CTNNA2: variants seen among roughly 807,000 people sequenced by gnomAD.
CTNNA2 encodes the protein catenin alpha 2, also known as catenin alpha-2.
CTNNA2 carries 42 observed loss-of-function variants against 101.0 expected under a neutral mutation model. That is an observed-to-expected ratio of 0.42 (90% CI 0.32 to 0.54). The LOEUF is 0.54. Ranked by LOEUF, CTNNA2 falls within the 20% of genes least tolerant of loss-of-function variation. CTNNA2 has a pLI of 0.14. For synonymous variants in CTNNA2, 450 were observed against 456.4 expected (o/e 0.99, Z 0.18); for missense variants, 871 against 1,223.1 (o/e 0.71, Z 4.29).
chr2:80,193,151 G>C (rs1243362587), intron 7 of CTNNA2, among the ~76,000 whole-genome samples: 1 of 152,058 alleles, frequency 6.6e-6, no homozygotes, highest in Admixed American at 6.6e-5. Context: ...ATAAACCTTA[G>C]TGTTTTTAGT....
Position 80,469,643 on chromosome 2 carries a change from CAG to C in CTNNA2, c.1290+50043_1290+50044del, listed in dbSNP as rs1413178942. Among the ~76,000 whole-genome samples the C allele has an allele frequency of 4.6e-5, 7 of 152,268 alleles. 1 individual carries two copies. The highest frequency in any genetic ancestry group is 4.6e-4 in the Admixed American group (7 of 15,294). On this transcript the variant is annotated intron_variant, in intron 9 of 18. Coordinates refer to ENST00000402739, the MANE Select transcript of CTNNA2 (RefSeq NM_001282597.3). ...TGCCCCTGAGATTGGCTAATAAGGT[CAG>C]GGGTTGGATTTCATTGCAGAGTTTA... is the stretch of plus-strand genomic sequence containing the variant.
intron 2 of CTNNA2, among the ~76,000 whole-genome samples, chr2:79,272,573 GACAGAC>G (rs1469895772): frequency 6.6e-6 from 1 of 152,014 alleles, no homozygotes; most frequent in East Asian, 1.9e-4. Context: ...AAATGACCAA[GACAGAC>G]ACAGCCTTTA....
chr2:80,224,508 G>C (rs1708760453), intron 7 of CTNNA2, among the ~76,000 whole-genome samples: 1 of 150,186 alleles, frequency 6.7e-6, no homozygotes, highest in Non-Finnish European at 1.5e-5. Flanking sequence ...ACAGTGGTGT[G>C]ATCTCGGCTC....
At chr2:79,357,353 T>C (rs895947479) in intron 3 of CTNNA2, among the ~76,000 whole-genome samples, 2 of 151,946 alleles carry the variant, frequency 1.3e-5, no homozygotes, top group Non-Finnish European at 2.9e-5. Context: ...ACTCAAGAGA[T>C]TCATATCAAA....
At chr2:80,113,847 G>A (rs1332344191) in intron 7 of CTNNA2, among the ~76,000 whole-genome samples, 1 of 152,136 alleles carries the variant, frequency 6.6e-6, no homozygotes, top group African/African-American at 2.4e-5. Flanking sequence ...ATGGGATTCT[G>A]GAATATTAAT....
At chr2:79,462,421 G>T (rs1048690665) in intron 4 of CTNNA2, among the ~76,000 whole-genome samples, 3 of 152,196 alleles carry the variant, frequency 2.0e-5, no homozygotes, top group Non-Finnish European at 4.4e-5. Context: ...AGCTGATATG[G>T]TTTGGTCCAC....
chr2:80,144,865 G>C (rs7597086), intron 7 of CTNNA2, among the ~76,000 whole-genome samples: 76,644 of 151,990 alleles, frequency 0.5, 20,003 homozygotes, highest in Non-Finnish European at 0.57. Flanking sequence ...GACGTTTGGG[G>C]CTGAGTAATT....
chr2:79,208,950 G>T (rs1184145225), intron 2 of CTNNA2, among the ~76,000 whole-genome samples: 1 of 152,144 alleles, frequency 6.6e-6, no homozygotes, highest in Non-Finnish European at 1.5e-5. Flanking sequence ...ATTTGGTAAT[G>T]ATACTCATGT....
chr2:79,891,613 T>G (rs1684312398), intron 6 of CTNNA2, among the ~76,000 whole-genome samples: 1 of 152,138 alleles, frequency 6.6e-6, no homozygotes. Flanking sequence ...GTGGCAGCCC[T>G]TTGGCCAGTG....
intron 1 of CTNNA2, among the ~76,000 whole-genome samples, chr2:79,535,445 C>A (rs1190102871): frequency 6.6e-6 from 1 of 151,922 alleles, no homozygotes; most frequent in Non-Finnish European, 1.5e-5. Context: ...ACCTCGTGAT[C>A]CGCCTGCCTC....
intron 3 of CTNNA2, among the ~76,000 whole-genome samples, chr2:79,356,049 G>GTCC (rs1677501537): frequency 6.6e-6 from 1 of 151,466 alleles, no homozygotes; most frequent in South Asian, 2.1e-4. Context: ...GCATTTTACA[G>GTCC]TCCTACCAGC....
At chr2:80,198,589 G>A (rs1706996150) in intron 7 of CTNNA2, among the ~76,000 whole-genome samples, 1 of 152,132 alleles carries the variant, frequency 6.6e-6, no homozygotes, top group Admixed American at 6.6e-5. Flanking sequence ...AACATTCAAT[G>A]TGTGAGACTG....
chr2:80,377,421 C>T (rs1226217312), intron 7 of CTNNA2, among the ~76,000 whole-genome samples: 1 of 152,148 alleles, frequency 6.6e-6, no homozygotes, highest in Non-Finnish European at 1.5e-5. Flanking sequence ...TTACCATAAT[C>T]TTGGGTTAGG....
chr2:79,768,885 C>G (rs527643134), intron 3 of CTNNA2, among the ~76,000 whole-genome samples: 2 of 152,120 alleles, frequency 1.3e-5, no homozygotes, highest in African/African-American at 4.8e-5. Flanking sequence ...GACTGAGTCT[C>G]ACTCTGTCGC....
At chr2:79,572,924 G>A (rs1675549997) in intron 1 of CTNNA2, among the ~76,000 whole-genome samples, 1 of 152,032 alleles carries the variant, frequency 6.6e-6, no homozygotes, top group Admixed American at 6.6e-5. Context: ...TTACCAAGTG[G>A]TTTGCAGTTT....
At chr2:79,509,290 T>C (rs368081889), upstream of CTNNA2, among the ~76,000 whole-genome samples, 1 of 151,944 alleles carries the variant, frequency 6.6e-6, no homozygotes, top group Non-Finnish European at 1.5e-5. Context: ...GTCTGAAATA[T>C]TTAGGAGGTC....
intron 1 of CTNNA2, among the ~76,000 whole-genome samples, chr2:79,584,483 G>A (rs866216863): frequency 1.3e-5 from 2 of 150,570 alleles, no homozygotes; most frequent in African/African-American, 4.9e-5. Flanking sequence ...AGGATATAAT[G>A]AGATAAAAAA....
chr2:79,429,126 A>T (rs1341536953), intron 4 of CTNNA2, among the ~76,000 whole-genome samples: 1 of 152,210 alleles, frequency 6.6e-6, no homozygotes, highest in African/African-American at 2.4e-5. Context: ...TAGAACAACT[A>T]GCCAATTCTT....
Position 79,215,249 on chromosome 2 carries a change from G to A in CTNNA2, c.-406+17173G>A, listed in dbSNP as rs185079205. On this transcript the variant is annotated intron_variant, in intron 2 of 21. Coordinates refer to the CTNNA2 transcript ENST00000466387. ...AATCTTGGGCTGTGGGCATTCCTTG[G>A]CCTGGTTGCCAGATTTCTGGCACTT... is the stretch of plus-strand genomic sequence containing the variant. Among the ~76,000 whole-genome samples the A allele has an allele frequency of 3.3e-3, 503 of 152,292 alleles. 2 individuals carry two copies. The highest frequency in any genetic ancestry group is 0.012 in the African/African-American group (490 of 41,572).
Sources: gnomAD v4.1 joint callset for allele counts (sites outside exome capture counted in the v4.1 genomes callset) on GRCh38, gnomAD v4.1.1 for gene constraint, MANE v1.5 for transcripts, NCBI Gene and HGNC (gene_info 2026-07-23, HGNC 2026-07-21) for gene names.